The following ANKS1B variants were observed in gnomAD, a reference collection of about 807,000 sequenced individuals.
ANKS1B encodes ankyrin repeat and sterile alpha motif domain-containing protein 1B.
In ANKS1B, 36 loss-of-function variants were observed where a neutral mutation model predicts 148.3. That is an observed-to-expected ratio of 0.24 (90% CI 0.19 to 0.32). The LOEUF is 0.32. Ranked by LOEUF, ANKS1B falls within the 10% of genes least tolerant of loss-of-function variation. ANKS1B has a pLI of 1.00. For missense variants in ANKS1B, 1,157 were observed against 1,542.6 expected, an observed-to-expected ratio of 0.75 and a Z score of 4.19; for synonymous variants, 542 against 560.8, an observed-to-expected ratio of 0.97 and a Z score of 0.47.
At chr12:99,871,363 T>G (rs2091492834) in intron 1 of ANKS1B, among the ~76,000 whole-genome samples, 1 of 152,222 alleles carries the variant, frequency 6.6e-6, no homozygotes, top group African/African-American at 2.4e-5. Flanking sequence ...GGCTTTGTTC[T>G]TTTTGCTTAC....
intron 15 of ANKS1B, among the ~76,000 whole-genome samples, chr12:99,141,793 A>C (rs1474262954): frequency 6.6e-6 from 1 of 151,988 alleles, no homozygotes; most frequent in African/African-American, 2.4e-5. Context: ...TATTCTATGG[A>C]GTATATGTAC....
chr12:98,790,354 T>G (rs758089828), intron 22 of ANKS1B, among the ~76,000 whole-genome samples: 1 of 152,232 alleles, frequency 6.6e-6, no homozygotes, highest in Admixed American at 6.5e-5. Flanking sequence ...AACCTCCCTG[T>G]GTCTTAGTTA....
intron 17 of ANKS1B, among the ~76,000 whole-genome samples, chr12:99,010,696 T>C (rs1469490320): frequency 6.6e-6 from 1 of 151,808 alleles, no homozygotes; most frequent in Non-Finnish European, 1.5e-5. Flanking sequence ...GAAATAAAAA[T>C]ATAAACAAAT....
chr12:99,196,468 T>C (rs550786477), intron 14 of ANKS1B, among the ~76,000 whole-genome samples: 77 of 152,276 alleles, frequency 5.1e-4, no homozygotes, highest in African/African-American at 1.8e-3. Context: ...CTGTCTTTAC[T>C]ACAAGCCATT....
chr12:99,465,671 C>G (rs962342646), intron 10 of ANKS1B, among the ~76,000 whole-genome samples: 1 of 151,954 alleles, frequency 6.6e-6, no homozygotes, highest in Admixed American at 6.5e-5. Context: ...GACTTTAAAC[C>G]AACAAAGATC....
intron 22 of ANKS1B, among the ~76,000 whole-genome samples, chr12:98,791,428 T>C (rs193132431): frequency 1.0e-3 from 156 of 152,266 alleles, no homozygotes; most frequent in African/African-American, 3.5e-3. Flanking sequence ...TTTGTGGGCA[T>C]TGCGATTCAA....
At chr12:98,966,689 C>T (rs947722133) in intron 17 of ANKS1B, among the ~76,000 whole-genome samples, 1 of 152,094 alleles carries the variant, frequency 6.6e-6, no homozygotes, top group Non-Finnish European at 1.5e-5. Context: ...GAAAATGTGG[C>T]ACTTATACAC....
chr12:99,159,320 G>A (rs60725709), intron 14 of ANKS1B, among the ~76,000 whole-genome samples: 10,019 of 152,132 alleles, frequency 0.066, 896 homozygotes, highest in African/African-American at 0.2. Context: ...GAATGATCCC[G>A]TCACCAGGTA....
intron 9 of ANKS1B, among the ~76,000 whole-genome samples, chr12:99,628,215 A>C (rs1222938465): frequency 1.3e-5 from 2 of 152,118 alleles, no homozygotes; most frequent in Non-Finnish European, 2.9e-5. Flanking sequence ...TGCAGTAAAA[A>C]TACATCATTA....
chr12:98,977,822 T>C (rs2099899858), intron 17 of ANKS1B, among the ~76,000 whole-genome samples: 1 of 152,182 alleles, frequency 6.6e-6, no homozygotes. Flanking sequence ...TTATACTTCA[T>C]ACTCATACAG....
At chr12:99,627,769 G>T (rs1037209470) in intron 9 of ANKS1B, among the ~76,000 whole-genome samples, 10 of 152,212 alleles carry the variant, frequency 6.6e-5, no homozygotes, top group Admixed American at 1.3e-4. Context: ...ATAATAAAAG[G>T]CAGAAAGCCA....
At chr12:99,609,468 C>T (rs570656951) in intron 9 of ANKS1B, among the ~76,000 whole-genome samples, 2 of 151,294 alleles carry the variant, frequency 1.3e-5, no homozygotes, top group Non-Finnish European at 2.9e-5. Context: ...GTCAAAAGAA[C>T]GAAAGACCTT....
intron 12 of ANKS1B, among the ~76,000 whole-genome samples, chr12:99,392,900 A>G (rs1452512532): frequency 1.3e-5 from 2 of 151,888 alleles, no homozygotes; most frequent in Non-Finnish European, 2.9e-5. Flanking sequence ...CTACTTGAAT[A>G]TCCAACAGAT....
chr12:99,395,675 T>C (rs560280428), intron 12 of ANKS1B, among the ~76,000 whole-genome samples: 1 of 152,334 alleles, frequency 6.6e-6, no homozygotes, highest in South Asian at 2.1e-4. Flanking sequence ...CCCCAGACTG[T>C]ATAACACCAA....
chr12:99,273,577 T>A (rs2077303305), intron 12 of ANKS1B, among the ~76,000 whole-genome samples: 1 of 141,364 alleles, frequency 7.1e-6, no homozygotes, highest in Admixed American at 7.0e-5. Context: ...TTTTGCGATT[T>A]TTTTTTTTTT....
At chr12:98,945,332 C>CT in intron 17 of ANKS1B, among the ~76,000 whole-genome samples, 1 of 151,482 alleles carries the variant, frequency 6.6e-6, no homozygotes, top group East Asian at 1.9e-4. Context: ...CCCATCTCTA[C>CT]AAAAATACAA....
intron 15 of ANKS1B, chr12:99,105,066 C>G (rs139167803): frequency 1.3e-5 from 2 of 152,296 alleles, no homozygotes; most frequent in African/African-American, 4.8e-5. Context: ...TTTGAATCTT[C>G]AAATAGCTGG....
At chr12:99,086,099 C>A (rs2051687558) in intron 15 of ANKS1B, among the ~76,000 whole-genome samples, 2 of 152,190 alleles carry the variant, frequency 1.3e-5, no homozygotes, top group African/African-American at 2.4e-5. Context: ...CTACCCACAA[C>A]TGCCTTTATT....
At chr12:98,750,444 G>C (rs2098050895) in intron 26 of ANKS1B, among the ~76,000 whole-genome samples, 1 of 152,178 alleles carries the variant, frequency 6.6e-6, no homozygotes, top group Non-Finnish European at 1.5e-5. Context: ...CTGAAAACAA[G>C]AACTGCATGT....
Sources: gnomAD v4.1 joint callset for allele counts (sites outside exome capture counted in the v4.1 genomes callset) on GRCh38, gnomAD v4.1.1 for gene constraint, MANE v1.5 for transcripts, NCBI Gene and HGNC (gene_info 2026-07-23, HGNC 2026-07-21) for gene names.